The following MTERF4 variants were observed in gnomAD, a reference collection of about 807,000 sequenced individuals.
MTERF4 encodes the protein mitochondrial transcription termination factor 4.
Under a neutral mutation model 22.5 loss-of-function variants are expected in MTERF4, and 17 were observed. That is an observed-to-expected ratio of 0.75 (90% CI 0.52 to 1.13). The LOEUF (loss-of-function observed/expected upper bound fraction) is 1.13. Ranked by LOEUF, MTERF4 falls within the 50% of genes most tolerant of loss-of-function variation. The pLI, the probability that MTERF4 is intolerant of heterozygous loss-of-function variation, is 0.00. For missense variants in MTERF4, 420 were observed against 466.8 expected (o/e 0.90, Z 0.92); for synonymous variants, 165 against 175.3 (o/e 0.94, Z 0.47).
chr2:241,063,652 T>C, the MTERF4 span: 3 of 1,612,452 alleles, frequency 1.9e-6, no homozygotes, highest in Non-Finnish European at 2.5e-6. Flanking sequence ...CCCAGGGGCC[T>C]ATGTCTGCCG....
At chr2:241,076,939 C>T (rs1052853637) in intron 4 of MTERF4, among the ~76,000 whole-genome samples, 75 of 152,274 alleles carry the variant, frequency 4.9e-4, no homozygotes, top group African/African-American at 1.6e-3. Flanking sequence ...ATTAGCTGGG[C>T]ATGGTGGCGG....
chr2:241,095,985 C>A lies in MTERF4; in HGVS notation c.*13G>T. ...TATCTCTGGGCCCTTTCGCTCTAGT[C>A]CTTCCATCACAGCTATTCCTCCTCG... On this transcript the variant is annotated 3_prime_UTR_variant, in exon 4 of 4. Coordinates refer to ENST00000391980, the MANE Select transcript of MTERF4 (RefSeq NM_182501.4). The A allele has an allele frequency of 6.2e-7, 1 of 1,612,340 alleles. No homozygotes were observed. The highest frequency in any genetic ancestry group is 8.5e-7 in the Non-Finnish European group (1 of 1,178,724).
downstream of MTERF4, among the ~76,000 whole-genome samples, chr2:241,085,936 A>C (rs912209877): frequency 2.2e-5 from 3 of 137,008 alleles, no homozygotes; most frequent in East Asian, 6.4e-4. Context: ...GAGCGATCTC[A>C]GCTCACTACA....
At chr2:241,062,547 G>A in the MTERF4 span, among the ~76,000 whole-genome samples, 6 of 152,110 alleles carry the variant, frequency 3.9e-5, no homozygotes, top group South Asian at 2.1e-4. Context: ...GTCCCACAGC[G>A]TCTTCTGGGA....
the MTERF4 span, among the ~76,000 whole-genome samples, chr2:241,066,237 A>G: frequency 6.6e-6 from 1 of 152,092 alleles, no homozygotes; most frequent in South Asian, 2.1e-4. Context: ...CGGGTTGTGC[A>G]CAGCCTGTGG....
the MTERF4 span, among the ~76,000 whole-genome samples, chr2:241,059,606 T>A: frequency 1.3e-5 from 2 of 152,018 alleles, no homozygotes; most frequent in Admixed American, 1.3e-4. Flanking sequence ...GGGATTTTTC[T>A]CAAGGACACA....
downstream of MTERF4, among the ~76,000 whole-genome samples, chr2:241,084,489 T>G (rs1017144742): frequency 6.6e-6 from 1 of 152,100 alleles, no homozygotes; most frequent in Non-Finnish European, 1.5e-5. Context: ...CATCTTCAAC[T>G]TCACGCCGCA....
the MTERF4 span, among the ~76,000 whole-genome samples, chr2:241,061,749 G>A: frequency 1.3e-5 from 2 of 151,794 alleles, no homozygotes; most frequent in Non-Finnish European, 2.9e-5. Context: ...GTCGGGCATG[G>A]TGGTGGGCGC....
chr2:241,070,091 C>A, downstream of MTERF4: 2 of 1,613,042 alleles, frequency 1.2e-6, no homozygotes, highest in Non-Finnish European at 1.7e-6. Flanking sequence ...GCGTCCTACA[C>A]GGTGCGCGAC....
chr2:241,046,319 G>C, the MTERF4 span, among the ~76,000 whole-genome samples: 1 of 152,130 alleles, frequency 6.6e-6, no homozygotes, highest in Non-Finnish European at 1.5e-5. Flanking sequence ...ACTCTAAAGA[G>C]ATGAAAACTT....
chr2:241,080,078 A>C (rs2063257754), intron 4 of MTERF4, among the ~76,000 whole-genome samples: 1 of 152,154 alleles, frequency 6.6e-6, no homozygotes, highest in South Asian at 2.1e-4. Context: ...TGAGGTCAGG[A>C]GTTTGAATCC....
At chr2:241,050,529 A>C in the MTERF4 span, among the ~76,000 whole-genome samples, 1 of 152,136 alleles carries the variant, frequency 6.6e-6, no homozygotes, top group African/African-American at 2.4e-5. Flanking sequence ...GCACCCCCGC[A>C]GCCTGGACTG....
the MTERF4 span, chr2:241,063,808 A>T: frequency 1.3e-6 from 1 of 776,974 alleles, no homozygotes; most frequent in Admixed American, 2.8e-5. Context: ...ACCTGGGGAG[A>T]GGGACCCCCA....
In MTERF4 at chr2:241,073,105, G is replaced by T; in HGVS notation, n.3057C>A. 2 of 596,070 alleles carry T rather than the reference G, an allele frequency of 3.4e-6. No homozygotes were observed. The highest frequency in any genetic ancestry group is 6.0e-6 in the Non-Finnish European group (2 of 335,516). 36.9% of individuals were successfully genotyped at this position (596,070 alleles called of 1,614,324 possible). A position where few individuals can be genotyped will look rare whatever the true frequency, so the allele number is the denominator to read the frequency against. Reference sequence around the variant, plus strand: ...GGGTGAGGCCAGCCCTTCAGGGGAGGCAGCTCTGGGGCCGACAGGTGCTGG... The same window carrying T: ...GGGTGAGGCCAGCCCTTCAGGGGAGTCAGCTCTGGGGCCGACAGGTGCTGG... On this transcript the variant is annotated non_coding_transcript_exon_variant, in exon 5 of 5. Coordinates refer to the MTERF4 transcript ENST00000464344. The surrounding 1 kb of genome is among the most constrained non-coding windows in gnomAD (Gnocchi z 6.6).
downstream of MTERF4, chr2:241,068,049 T>C (rs998458044): frequency 2.4e-5 from 26 of 1,101,232 alleles, 2 homozygotes; most frequent in African/African-American, 2.5e-4. This position sits in a 1 kb window ranked among gnomAD's most constrained non-coding sequence, Gnocchi z 5.3. Context: ...GTGTGGACTG[T>C]ACCACCTGCC....
downstream of MTERF4, among the ~76,000 whole-genome samples, chr2:241,070,765 G>T (rs2062670488): frequency 6.6e-6 from 1 of 152,216 alleles, no homozygotes; most frequent in South Asian, 2.1e-4. Flanking sequence ...CCCCACTTAG[G>T]TCTTCCAAGT....
the MTERF4 span, among the ~76,000 whole-genome samples, chr2:241,058,713 G>T: frequency 6.6e-6 from 1 of 152,196 alleles, no homozygotes; most frequent in African/African-American, 2.4e-5. Flanking sequence ...CACTTTAGGA[G>T]GCCGAGGCAG....
chr2:241,050,670 AGAC>A, the MTERF4 span, among the ~76,000 whole-genome samples: 1 of 152,194 alleles, frequency 6.6e-6, no homozygotes, highest in South Asian at 2.1e-4. Context: ...TCCAAAGAGA[AGAC>A]CCCAACTGCT....
the MTERF4 span, chr2:241,063,479 A>C: frequency 1.3e-6 from 1 of 770,394 alleles, no homozygotes; most frequent in Non-Finnish European, 2.3e-6. Flanking sequence ...AGTTGCTCCC[A>C]GCTGGGAAAG....
Sources: gnomAD v4.1 joint callset for allele counts (sites outside exome capture counted in the v4.1 genomes callset) on GRCh38, gnomAD v4.1.1 for gene constraint, Gnocchi (gnomAD v3.1) non-coding constraint, MANE v1.5 for transcripts, NCBI Gene and HGNC (gene_info 2026-07-23, HGNC 2026-07-21) for gene names.